Variants in TRIM71 observed in about 807,000 individuals in gnomAD.
The protein encoded by TRIM71 is tripartite motif containing 71.
TRIM71 carries 9 observed loss-of-function variants against 61.2 expected under a neutral mutation model. The observed-to-expected ratio is 0.15, with a 90% confidence interval of 0.09 to 0.26. TRIM71 has a LOEUF of 0.26. Ranked by LOEUF, TRIM71 falls within the 10% of genes least tolerant of loss-of-function variation. The probability of loss-of-function intolerance (pLI) is 1.00; values close to 1 mark genes in which losing one functional copy is unlikely to be tolerated. For synonymous variants in TRIM71, 645 were observed against 553.2 expected (o/e 1.17, Z -2.33); for missense variants, 998 against 1,238.7 (o/e 0.81, Z 2.92).
In TRIM71 at chr3:32,818,152, G is replaced by T. The variant is rs1426236491; in HGVS notation, c.72G>T (p.Pro24=). 2 of 1,609,914 alleles carry T rather than the reference G, an allele frequency of 1.2e-6. No individual in the cohort carries two copies. The highest frequency in any genetic ancestry group is 1.3e-5 in the African/African-American group (1 of 74,478). ...LCKEMCGSPA[P]LSSNSSASSS... ...AGGAGATGTGCGGCTCGCCGGCGCC[G>T]CTCTCCTCCAACTCGTCCGCGTCGT... Residue 24 remains proline (P), a synonymous_variant, in exon 1 of 4, where the codon CCG becomes CCT. Transcript: ENST00000383763.
Position 32,818,776 on chromosome 3 carries a change from C to A in TRIM71, c.696C>A (p.Leu232=). 6.2e-7 allele frequency: 1 copy of A among 1,608,000 alleles called. No homozygotes were observed. Among genetic ancestry groups the A allele is most frequent in the South Asian group, 1.1e-5 (1 of 90,796 alleles). Reference sequence around the variant, plus strand: ...TCCGAGCGCACCAGCGCGTGCGCCTCACCAAGGACCACTACATCGAGCGCG... The same window carrying A: ...TCCGAGCGCACCAGCGCGTGCGCCTAACCAAGGACCACTACATCGAGCGCG... ...NCVRAHQRVR[L]TKDHYIERGP... Residue 232 remains leucine (L), a synonymous_variant, in exon 1 of 4, where the codon CTC becomes CTA. Coordinates refer to ENST00000383763, the MANE Select transcript of TRIM71 (RefSeq NM_001039111.3).
At chr3:32,870,995 G>C (rs980729554) in intron 1 of TRIM71, among the ~76,000 whole-genome samples, 56 of 149,970 alleles carry the variant, frequency 3.7e-4, no homozygotes, top group Non-Finnish European at 8.9e-5. Flanking sequence ...TGGTAGTTTG[G>C]GCCCAAGTGT....
At chr3:32,833,634 TTTTATTTATTTATTTATTTATTTA>T (rs572371235) in intron 1 of TRIM71, among the ~76,000 whole-genome samples, 7 of 146,702 alleles carry the variant, frequency 4.8e-5, no homozygotes, top group African/African-American at 1.8e-4. Context: ...GAGAATGCTT[TTTTATTTATTTATTTATTTATTTA>T]TTTATTTATT....
At chr3:32,882,768 G>A (rs903576438) in intron 2 of TRIM71, among the ~76,000 whole-genome samples, 3 of 152,038 alleles carry the variant, frequency 2.0e-5, no homozygotes, top group African/African-American at 7.2e-5. Context: ...TCTCAAACTC[G>A]TGGGCTTAAG....
In TRIM71 at chr3:32,818,364, A is replaced by C. The variant is rs1473204251; in HGVS notation, c.284A>C (p.Asp95Ala). 1.4e-6 allele frequency: 2 copies of C among 1,477,292 alleles called. No homozygotes were observed. The highest frequency in any genetic ancestry group is 1.8e-6 in the Non-Finnish European group (2 of 1,119,334). 91.5% of individuals were successfully genotyped at this position (1,477,292 alleles called of 1,614,324 possible). Residue 95 changes from aspartate (D) to alanine (A), a missense_variant, in exon 1 of 4, where the codon GAC (aspartate) becomes GCC (alanine). Asp to Ala is a moderately radical substitution (Grantham distance 126, BLOSUM62 -2). Transcript: ENST00000383763. ...EPLKLRCPVC[D>A]QKVVLAEAAG... ...CTCAAGCTGCGCTGCCCCGTGTGCG[A>C]CCAGAAAGTAGTGCTAGCCGAGGCG...
At chr3:32,828,594 AC>A (rs1696231730) in intron 1 of TRIM71, among the ~76,000 whole-genome samples, 1 of 146,042 alleles carries the variant, frequency 6.8e-6, no homozygotes, top group Non-Finnish European at 1.5e-5. Context: ...TGCTGTCTCA[AC>A]CTTCCCGGCT....
At chr3:32,873,245 C>T (rs984750395) in intron 1 of TRIM71, among the ~76,000 whole-genome samples, 42 of 152,164 alleles carry the variant, frequency 2.8e-4, no homozygotes, top group South Asian at 4.1e-4. Flanking sequence ...TTTTTGCCTT[C>T]GTTCCAGAAA....
intron 1 of TRIM71, among the ~76,000 whole-genome samples, chr3:32,872,914 C>G (rs571411044): frequency 1.2e-4 from 19 of 152,308 alleles, no homozygotes; most frequent in African/African-American, 4.3e-4. Flanking sequence ...GAAAGCAATC[C>G]AGCAAACATT....
intron 1 of TRIM71, among the ~76,000 whole-genome samples, chr3:32,837,791 G>A (rs1696351790): frequency 6.6e-6 from 1 of 150,502 alleles, no homozygotes; most frequent in South Asian, 2.2e-4. Context: ...GGGTGACAGA[G>A]CGAGACTCCA....
At chr3:32,854,894 T>C (rs1018640606) in intron 1 of TRIM71, among the ~76,000 whole-genome samples, 42 of 152,200 alleles carry the variant, frequency 2.8e-4, no homozygotes, top group African/African-American at 9.9e-4. Flanking sequence ...CAGCCTTCGT[T>C]GTACAGTGAT....
chr3:32,890,746 T>C lies in TRIM71; in HGVS notation c.1542T>C (p.Gly514=), dbSNP rs1330382897. Residue 514 remains glycine (G), a synonymous_variant, in exon 4 of 4, where the codon GGT becomes GGC. Transcript: ENST00000383763. The surrounding 1 kb of genome is among the most constrained non-coding windows in gnomAD (Gnocchi z 6.2). ...SFTVIGYDHD[G]EPRLSGGDLM... Reference sequence around the variant, plus strand: ...CAGTCATTGGTTATGACCACGATGGTGAGCCCCGCCTCTCAGGAGGCGACC... The same window carrying C: ...CAGTCATTGGTTATGACCACGATGGCGAGCCCCGCCTCTCAGGAGGCGACC... 2 of 1,614,122 alleles carry C rather than the reference T, an allele frequency of 1.2e-6. No individual in the cohort carries two copies. The highest frequency in any genetic ancestry group is 1.7e-6 in the Non-Finnish European group (2 of 1,180,016).
chr3:32,845,003 C>G (rs1021190485), intron 1 of TRIM71, among the ~76,000 whole-genome samples: 6 of 152,176 alleles, frequency 3.9e-5, no homozygotes, highest in African/African-American at 1.2e-4. Context: ...GGGACTCTGC[C>G]TTCAACACAA....
At chr3:32,855,336 T>G (rs1696583754) in intron 1 of TRIM71, among the ~76,000 whole-genome samples, 3 of 147,694 alleles carry the variant, frequency 2.0e-5, no homozygotes, top group African/African-American at 5.0e-5. Context: ...GTGGGGAAAG[T>G]GTCTAGGGAG....
In TRIM71 at chr3:32,895,710, GT is replaced by G. The variant is rs1697070197; in HGVS notation, c.*3900del. ...CACACTCTTGTACTTGCAGGTGATGGTGTCACAGGGCCAGGGCCTCCAGAGC... is the reference window on the plus strand; with the variant it reads ...CACACTCTTGTACTTGCAGGTGATGGGTCACAGGGCCAGGGCCTCCAGAGC... On this transcript the variant is annotated 3_prime_UTR_variant, in exon 4 of 4. Transcript: ENST00000383763. The G allele has an allele frequency of 6.6e-6, 1 of 152,248 alleles. No homozygotes were observed. Among genetic ancestry groups the G allele is most frequent in the Non-Finnish European group, 1.5e-5 (1 of 68,120 alleles). 9.4% of individuals were successfully genotyped at this position (152,248 alleles called of 1,614,324 possible). A position where few individuals can be genotyped will look rare whatever the true frequency, so the allele number is the denominator to read the frequency against.
At chr3:32,864,936 G>A (rs1294540351) in intron 1 of TRIM71, among the ~76,000 whole-genome samples, 1 of 151,466 alleles carries the variant, frequency 6.6e-6, no homozygotes, top group African/African-American at 2.4e-5. Flanking sequence ...TCAACATGGG[G>A]GGTGCCTGTC....
intron 1 of TRIM71, among the ~76,000 whole-genome samples, chr3:32,846,792 C>T (rs1696480972): frequency 6.6e-6 from 1 of 152,034 alleles, no homozygotes; most frequent in African/African-American, 2.4e-5. Context: ...TGGTGTCTGT[C>T]TTTCTGTGCC....
At position 32,890,061 on chromosome 3, in the gene TRIM71, G is replaced by GT. The variant is rs1318415950; in HGVS notation, c.1156-297dup. ...ATCTACTCCTCAGTCCATAATCAAG[G>GT]TTCAACAATTGTCCCAACAGTGCTT... On this transcript the variant is annotated intron_variant, in intron 3 of 3. Transcript: ENST00000383763. The surrounding 1 kb of genome is among the most constrained non-coding windows in gnomAD (Gnocchi z 6.2). Among the ~76,000 whole-genome samples, 8 of 152,058 alleles carry GT rather than the reference G, an allele frequency of 5.3e-5. No individual in the cohort carries two copies. Among genetic ancestry groups the GT allele is most frequent in the Non-Finnish European group, 1.0e-4 (7 of 68,022 alleles).
At position 32,895,304 on chromosome 3, in the gene TRIM71, C is replaced by T. The variant is rs1251660138; in HGVS notation, c.*3493C>T. 6.6e-6 allele frequency: 1 copy of T among 152,128 alleles called. No homozygotes were observed. Among genetic ancestry groups the T allele is most frequent in the Admixed American group, 6.5e-5 (1 of 15,270 alleles). The allele number at this position is 152,128 out of a possible 1,614,324, so 9.4% of individuals were successfully genotyped here. A position where few individuals can be genotyped will look rare whatever the true frequency, so the allele number is the denominator to read the frequency against. ...TTTGGGAAACACATAACAAAGGGTACCATAAACCGAATCCAAATTACGTGT... is the reference window on the plus strand; with the variant it reads ...TTTGGGAAACACATAACAAAGGGTATCATAAACCGAATCCAAATTACGTGT... On this transcript the variant is annotated 3_prime_UTR_variant, in exon 4 of 4. Transcript: ENST00000383763.
intron 2 of TRIM71, 41 bp downstream of exon 2, chr3:32,874,026 A>G (rs770326559): frequency 1.3e-6 from 2 of 1,550,392 alleles, no homozygotes; most frequent in East Asian, 4.5e-5. Flanking sequence ...ACGTGAATCG[A>G]GCCCCCCTTT....
Sources: allele counts gnomAD v4.1 joint callset (sites outside exome capture counted in the v4.1 genomes callset), GRCh38; gene constraint gnomAD v4.1.1; non-coding constraint Gnocchi (gnomAD v3.1); transcripts MANE v1.5; gene names NCBI Gene and HGNC (gene_info 2026-07-23, HGNC 2026-07-21).